Variants in KDM4C observed in about 807,000 individuals in gnomAD.
KDM4C encodes the protein lysine-specific demethylase 4C.
KDM4C carries 81 observed loss-of-function variants against 129.3 expected under a neutral mutation model. That is an observed-to-expected ratio of 0.63 (90% confidence interval 0.52 to 0.75). The LOEUF is 0.75. KDM4C is among the 30% of genes least tolerant of loss of function. KDM4C has a pLI of 0.00. For missense variants in KDM4C, 1,457 were observed against 1,304.0 expected (o/e 1.12, Z -1.81); for synonymous variants, 573 against 456.1 (o/e 1.26, Z -3.26).
intron 5 of KDM4C, among the ~76,000 whole-genome samples, chr9:6,867,828 C>T (rs572169203): frequency 3.7e-4 from 56 of 152,256 alleles, no homozygotes; most frequent in South Asian, 1.7e-3. Flanking sequence ...TTTAGCCCCT[C>T]CCCTGCACTT....
At chr9:7,134,809 C>A (rs1198321430) in intron 19 of KDM4C, among the ~76,000 whole-genome samples, 2 of 152,114 alleles carry the variant, frequency 1.3e-5, no homozygotes, top group Non-Finnish European at 2.9e-5. Flanking sequence ...TCTGGTTATG[C>A]CTTTGAAGAA....
chr9:7,078,109 A>C (rs978562268), intron 17 of KDM4C, among the ~76,000 whole-genome samples: 3 of 152,196 alleles, frequency 2.0e-5, no homozygotes, highest in African/African-American at 7.2e-5. Flanking sequence ...TTATTTTTTA[A>C]TGCATTGGGA....
At chr9:7,131,716 G>C (rs1220152780) in intron 19 of KDM4C, among the ~76,000 whole-genome samples, 1 of 152,104 alleles carries the variant, frequency 6.6e-6, no homozygotes, top group Non-Finnish European at 1.5e-5. Context: ...TGGGAGATGG[G>C]TACCCTGCTC....
chr9:7,016,115 T>C (rs1477704929), intron 15 of KDM4C, among the ~76,000 whole-genome samples, 186 bp downstream of exon 15: 1 of 151,840 alleles, frequency 6.6e-6, no homozygotes, highest in African/African-American at 2.4e-5. Flanking sequence ...TATAGAAATA[T>C]TAGGTAAATT....
At chr9:6,949,170 G>C (rs1259812986) in intron 8 of KDM4C, among the ~76,000 whole-genome samples, 1 of 151,160 alleles carries the variant, frequency 6.6e-6, no homozygotes, top group African/African-American at 2.4e-5. Context: ...CTTCTTAGAC[G>C]GGGTGGCTGC....
chr9:6,921,888 A>G (rs755317490), intron 8 of KDM4C, among the ~76,000 whole-genome samples: 4 of 152,020 alleles, frequency 2.6e-5, no homozygotes, highest in Non-Finnish European at 4.4e-5. Context: ...CCCAGGTTCC[A>G]TGATCCTTTT....
chr9:6,938,354 C>T (rs1268418634), intron 8 of KDM4C, among the ~76,000 whole-genome samples: 1 of 152,122 alleles, frequency 6.6e-6, no homozygotes, highest in African/African-American at 2.4e-5. Flanking sequence ...GAGTGCAGCT[C>T]AGTTCTAAAC....
At chr9:6,997,269 G>A (rs1483334202) in intron 12 of KDM4C, among the ~76,000 whole-genome samples, 1 of 152,214 alleles carries the variant, frequency 6.6e-6, no homozygotes, top group East Asian at 1.9e-4. Flanking sequence ...ACCAGAATGG[G>A]CGCAGAGCGA....
At chr9:7,088,934 A>G (rs569964859) in intron 17 of KDM4C, among the ~76,000 whole-genome samples, 1 of 152,348 alleles carries the variant, frequency 6.6e-6, no homozygotes, top group East Asian at 1.9e-4. Context: ...CTGGTAAGAA[A>G]GCCGATATTT....
intron 5 of KDM4C, among the ~76,000 whole-genome samples, chr9:6,857,781 G>T (rs914428784): frequency 2.0e-5 from 3 of 149,026 alleles, no homozygotes; most frequent in Admixed American, 1.3e-4. Context: ...TTAAGACAGG[G>T]TCTCGCTCTG....
intron 1 of KDM4C, among the ~76,000 whole-genome samples, chr9:6,772,542 G>A (rs769427926): frequency 9.9e-5 from 15 of 152,116 alleles, no homozygotes; most frequent in Non-Finnish European, 1.6e-4. Context: ...TGTATTTTTA[G>A]TAGAGACAGG....
chr9:7,144,502 C>G lies in KDM4C; in HGVS notation c.2781+16266C>G, dbSNP rs73398937. Among the ~76,000 whole-genome samples, 1,082 of 152,300 alleles carry G rather than the reference C, an allele frequency of 7.1e-3. 12 individuals are homozygous for G. Among genetic ancestry groups the G allele is most frequent in the African/African-American group, 0.025 (1,029 of 41,556 alleles). ...GTGCAAGTCATTTCATTATTCAGCCCTTCCCTTTCAACTGGGGACATTGGC... is the reference window on the plus strand; with the variant it reads ...GTGCAAGTCATTTCATTATTCAGCCGTTCCCTTTCAACTGGGGACATTGGC... On this transcript the variant is annotated intron_variant, in intron 19 of 21. Transcript: ENST00000381309.
intron 20 of KDM4C, among the ~76,000 whole-genome samples, chr9:7,169,122 G>A (rs534288192): frequency 6.7e-6 from 1 of 148,338 alleles, no homozygotes; most frequent in Admixed American, 6.7e-5. Context: ...TTGTTACGTT[G>A]TCAGAGCCTC....
At chr9:6,846,948 CCG>C (rs1837951630) in intron 4 of KDM4C, among the ~76,000 whole-genome samples, 1 of 152,158 alleles carries the variant, frequency 6.6e-6, no homozygotes, top group African/African-American at 2.4e-5. Flanking sequence ...CAGAAAAGCT[CCG>C]TGATTTTCCC....
intron 19 of KDM4C, among the ~76,000 whole-genome samples, chr9:7,158,657 G>A (rs1245399588): frequency 6.6e-6 from 1 of 152,152 alleles, no homozygotes; most frequent in Non-Finnish European, 1.5e-5. Context: ...GGTTTTGAGT[G>A]AGTTTCTTTA....
At chr9:7,026,304 A>G (rs1263863322) in intron 15 of KDM4C, among the ~76,000 whole-genome samples, 2 of 151,980 alleles carry the variant, frequency 1.3e-5, no homozygotes, top group Non-Finnish European at 2.9e-5. Flanking sequence ...TGTCTGGGAA[A>G]GTCTTTTTTT....
intron 8 of KDM4C, among the ~76,000 whole-genome samples, chr9:6,924,080 G>A (rs1440051506): frequency 6.6e-6 from 1 of 152,060 alleles, no homozygotes; most frequent in African/African-American, 2.4e-5. Context: ...GCTCAGATAT[G>A]GTAATCCAGA....
intron 1 of KDM4C, chr9:6,726,515 T>G (rs927965106): frequency 1.3e-5 from 2 of 152,252 alleles, no homozygotes. Flanking sequence ...AATGAATGCT[T>G]CAAGACCACA....
At chr9:7,042,445 C>A (rs1175518924) in intron 15 of KDM4C, among the ~76,000 whole-genome samples, 1 of 151,972 alleles carries the variant, frequency 6.6e-6, no homozygotes, top group African/African-American at 2.4e-5. Context: ...TGATGTTATA[C>A]CAATGAGATG....
Sources: allele counts gnomAD v4.1 joint callset (sites outside exome capture counted in the v4.1 genomes callset), GRCh38; gene constraint gnomAD v4.1.1; transcripts MANE v1.5; gene names NCBI Gene and HGNC (gene_info 2026-07-23, HGNC 2026-07-21).